Variants in ABI2 observed in about 807,000 individuals in gnomAD.
The protein encoded by ABI2 is abl interactor 2.
ABI2 carries 25 observed loss-of-function variants against 59.2 expected under a neutral mutation model. The ratio of observed to expected loss-of-function variants is 0.42; its 90% confidence interval spans 0.31 to 0.59. The LOEUF (loss-of-function observed/expected upper bound fraction) is 0.59. Among genes scored for constraint, ABI2 ranks in the 20% least tolerant of loss-of-function variants. ABI2 has a pLI of 0.14. For missense variants in ABI2, 545 were observed against 681.8 expected (o/e 0.80, Z 2.23); for synonymous variants, 213 against 235.5 (o/e 0.90, Z 0.87).
chr2:203,341,709 C>T, intron 1 of ABI2, among the ~76,000 whole-genome samples: 1 of 148,650 alleles, frequency 6.7e-6, no homozygotes, highest in East Asian at 2.0e-4. Context: ...GACTCCATCT[C>T]AAAAAAAAAC....
At chr2:203,342,405 G>T (rs1343856693) in intron 1 of ABI2, among the ~76,000 whole-genome samples, 2 of 152,058 alleles carry the variant, frequency 1.3e-5, no homozygotes, top group Non-Finnish European at 2.9e-5. Context: ...TTTCATAAAG[G>T]CAAGGAGATA....
At chr2:203,424,127 C>A (rs1306266299) in intron 11 of ABI2, among the ~76,000 whole-genome samples, 1 of 152,108 alleles carries the variant, frequency 6.6e-6, no homozygotes, top group Non-Finnish European at 1.5e-5. Flanking sequence ...TTCCCTATTG[C>A]CAAAACCAGT....
Position 203,385,139 on chromosome 2 carries a change from C to CTTTTTTTTTTTTTTTTTTTTTTTTTTTTT in ABI2, c.480+2946_480+2947insTTTTTTTTTTTTTTTTTTTTTTTTTTTTT, listed in dbSNP as rs10527327. Among the ~76,000 whole-genome samples, 7 of 69,972 alleles carry CTTTTTTTTTTTTTTTTTTTTTTTTTTTTT rather than the reference C, an allele frequency of 1.0e-4. 1 individual carries two copies. The highest frequency in any genetic ancestry group is 1.4e-4 in the African/African-American group (3 of 20,990). 45.9% of individuals were successfully genotyped at this position (69,972 alleles called of 152,430 possible). A position where few individuals can be genotyped will look rare whatever the true frequency, so the allele number is the denominator to read the frequency against. ...TGAGCCACCGCACCCGGCTCAGATTCTTTTTTTTTTTTTGAGACAGTCTTG... is the reference window on the plus strand; with the variant it reads ...TGAGCCACCGCACCCGGCTCAGATTCTTTTTTTTTTTTTTTTTTTTTTTTTTTTTTTTTTTTTTTTTTGAGACAGTCTTG... On this transcript the variant is annotated intron_variant, in intron 4 of 11. Transcript: ENST00000261018.
At chr2:203,412,929 C>T (rs1388834851) in intron 10 of ABI2, among the ~76,000 whole-genome samples, 1 of 152,192 alleles carries the variant, frequency 6.6e-6, no homozygotes, top group African/African-American at 2.4e-5. Flanking sequence ...CTACATACTC[C>T]ATACAAGGTG....
chr2:203,354,902 G>C (rs1424882447), intron 1 of ABI2, among the ~76,000 whole-genome samples: 1 of 152,196 alleles, frequency 6.6e-6, no homozygotes, highest in African/African-American at 2.4e-5. Context: ...AATAAAGGTA[G>C]TCAGTACCTC....
chr2:203,364,721 A>G (rs1287567124), intron 1 of ABI2, among the ~76,000 whole-genome samples: 2 of 151,300 alleles, frequency 1.3e-5, no homozygotes, highest in Non-Finnish European at 2.9e-5. Context: ...TAATGCACAT[A>G]CATATTTTTT....
chr2:203,401,563 C>A (rs547988257), intron 8 of ABI2, among the ~76,000 whole-genome samples: 41 of 152,084 alleles, frequency 2.7e-4, no homozygotes, highest in Non-Finnish European at 5.0e-4. Flanking sequence ...GAAGAACTCT[C>A]AAGAGAGCAA....
chr2:203,345,144 C>T (rs564007620), intron 1 of ABI2, among the ~76,000 whole-genome samples: 122 of 152,314 alleles, frequency 8.0e-4, no homozygotes, highest in Non-Finnish European at 1.3e-3. Flanking sequence ...TCCGCACTAC[C>T]TTTATGAGTT....
At chr2:203,348,198 G>A (rs1242864889) in intron 1 of ABI2, among the ~76,000 whole-genome samples, 1 of 152,144 alleles carries the variant, frequency 6.6e-6, no homozygotes, top group Admixed American at 6.5e-5. Flanking sequence ...CAGAGATCGC[G>A]CCACTGCACT....
At chr2:203,384,789 G>C (rs1299561568) in intron 4 of ABI2, among the ~76,000 whole-genome samples, 1 of 150,660 alleles carries the variant, frequency 6.6e-6, no homozygotes, top group Non-Finnish European at 1.5e-5. Flanking sequence ...GACTTTTAAT[G>C]TATTATTTCA....
At chr2:203,406,608 T>C (rs896536704) in intron 9 of ABI2, among the ~76,000 whole-genome samples, 1 of 152,216 alleles carries the variant, frequency 6.6e-6, no homozygotes, top group Admixed American at 6.5e-5. Flanking sequence ...GTCTAAAACG[T>C]CTAGAAGAAT....
intron 5 of ABI2, 93 bp downstream of exon 5, chr2:203,391,236 G>A: frequency 1.1e-6 from 1 of 881,306 alleles, no homozygotes; most frequent in Non-Finnish European, 1.6e-6. Context: ...AATATTTGAA[G>A]AGAGAACATT....
At chr2:203,354,847 C>T (rs914672500) in intron 1 of ABI2, among the ~76,000 whole-genome samples, 1 of 152,162 alleles carries the variant, frequency 6.6e-6, no homozygotes. Context: ...TTAGTATCTT[C>T]TAAGACTGTT....
intron 10 of ABI2, among the ~76,000 whole-genome samples, chr2:203,414,119 TTG>T (rs1294985351): frequency 0.014 from 1,697 of 122,528 alleles, 7 homozygotes; most frequent in Middle Eastern, 0.051. Flanking sequence ...TTTTTTTTTT[TTG>T]GAGACAGTCT....
intron 4 of ABI2, 137 bp from the exon 5 acceptor site, chr2:203,390,909 A>G (rs2096719358): frequency 4.5e-6 from 3 of 663,028 alleles, no homozygotes; most frequent in Admixed American, 4.7e-5. Flanking sequence ...GAGATTGCAT[A>G]TGAAATGCAT....
At chr2:203,389,507 C>T (rs1305409840) in intron 4 of ABI2, among the ~76,000 whole-genome samples, 2 of 152,174 alleles carry the variant, frequency 1.3e-5, no homozygotes, top group Non-Finnish European at 2.9e-5. Context: ...GATAGCCTCA[C>T]TTCTCTGTAT....
intron 2 of ABI2, among the ~76,000 whole-genome samples, chr2:203,368,226 A>G (rs2094678609): frequency 6.6e-6 from 1 of 152,170 alleles, no homozygotes; most frequent in Admixed American, 6.5e-5. Flanking sequence ...ATAATACTGC[A>G]GTGAAAAACC....
intron 11 of ABI2, among the ~76,000 whole-genome samples, chr2:203,424,650 C>T (rs762693986): frequency 3.9e-5 from 6 of 152,134 alleles, no homozygotes; most frequent in African/African-American, 7.2e-5. Flanking sequence ...TCTCCTGCCT[C>T]GGCCTCCCAA....
chr2:203,360,365 A>G (rs1208793214), intron 1 of ABI2, among the ~76,000 whole-genome samples: 1 of 152,146 alleles, frequency 6.6e-6, no homozygotes, highest in East Asian at 1.9e-4. Context: ...AGGATGAGGA[A>G]TGCTTTAAAC....
Sources: allele counts gnomAD v4.1 joint callset (sites outside exome capture counted in the v4.1 genomes callset), GRCh38; gene constraint gnomAD v4.1.1; transcripts MANE v1.5; gene names NCBI Gene and HGNC (gene_info 2026-07-23, HGNC 2026-07-21).